Variants in PRSS23 observed in about 807,000 individuals in gnomAD.
The protein encoded by PRSS23 is protease, serine 23.
A neutral mutation model predicts 34.7 loss-of-function variants in PRSS23; 25 were observed. The ratio of observed to expected loss-of-function variants is 0.72; its 90% CI spans 0.53 to 1.01. PRSS23 has a LOEUF of 1.01. Among genes scored for constraint, PRSS23 ranks in the 50% least tolerant of loss-of-function variants. The pLI is 0.00. For missense variants in PRSS23, 445 were observed against 475.6 expected (o/e 0.94, Z 0.60); for synonymous variants, 176 against 186.6 (o/e 0.94, Z 0.46).
upstream of PRSS23, among the ~76,000 whole-genome samples, chr11:86,797,960 A>T (rs1265475675): frequency 6.6e-6 from 1 of 152,180 alleles, no homozygotes; most frequent in Non-Finnish European, 1.5e-5. Flanking sequence ...GCCACTCTTA[A>T]TTATGTTGCT....
intron 1 of PRSS23, among the ~76,000 whole-genome samples, chr11:86,822,391 C>T (rs929542810): frequency 7.4e-4 from 112 of 152,078 alleles, no homozygotes; most frequent in African/African-American, 2.4e-3. Flanking sequence ...GAGGCTGAGG[C>T]GGGAGAATGG....
At chr11:86,928,534 G>GACA (rs1319768572) in intron 2 of PRSS23, among the ~76,000 whole-genome samples, 1 of 148,194 alleles carries the variant, frequency 6.7e-6, no homozygotes, top group African/African-American at 2.5e-5. Flanking sequence ...CATTAGCCGA[G>GACA]CGTGGTGGCA....
intron 2 of PRSS23, among the ~76,000 whole-genome samples, chr11:86,854,893 G>A (rs570692910): frequency 6.6e-6 from 1 of 152,316 alleles, no homozygotes; most frequent in East Asian, 1.9e-4. Context: ...TGGGCCAGGT[G>A]CGGTTGCTCA....
intron 1 of PRSS23, among the ~76,000 whole-genome samples, chr11:86,820,057 T>C (rs1948241805): frequency 6.6e-6 from 1 of 152,206 alleles, no homozygotes; most frequent in African/African-American, 2.4e-5. Context: ...TTGGAACCTA[T>C]GAATTATTGC....
intron 2 of PRSS23, among the ~76,000 whole-genome samples, chr11:86,861,733 A>C (rs1948616845): frequency 6.6e-6 from 1 of 150,768 alleles, no homozygotes; most frequent in Non-Finnish European, 1.5e-5. Flanking sequence ...AGGGGTGTAC[A>C]CCCCCCTGTG....
Position 86,829,952 on chromosome 11 carries a change from T to C in PRSS23, c.206+6359T>C, listed in dbSNP as rs552036312. Among the ~76,000 whole-genome samples, 3 of 152,340 alleles carry C rather than the reference T, an allele frequency of 2.0e-5. No individual in the cohort carries two copies. The East Asian group carries it at 5.8e-4, about 29-fold the overall frequency. On this transcript the variant is annotated intron_variant, in intron 2 of 2. Coordinates refer to the PRSS23 transcript ENST00000533902. ...CGGGTGTCAGGGGTCAGGGACCCAC[T>C]TGAGGAGGCAGTCTGCCCGTCCTCA...
chr11:86,899,909 G>A (rs1283852809), intron 2 of PRSS23, among the ~76,000 whole-genome samples: 1 of 151,576 alleles, frequency 6.6e-6, no homozygotes, highest in East Asian at 1.9e-4. Context: ...TAAGTGACAA[G>A]TGACACTGAA....
intron 2 of PRSS23, among the ~76,000 whole-genome samples, chr11:86,874,913 A>C (rs146815407): frequency 6.6e-6 from 1 of 152,322 alleles, no homozygotes; most frequent in Non-Finnish European, 1.5e-5. Flanking sequence ...GGCTGTGCTC[A>C]GTTGAGACTG....
At chr11:86,906,924 C>T (rs1234727619) in intron 2 of PRSS23, among the ~76,000 whole-genome samples, 1 of 152,030 alleles carries the variant, frequency 6.6e-6, no homozygotes, top group Non-Finnish European at 1.5e-5. Flanking sequence ...GGAGAGGTTT[C>T]CATCCATTTT....
At chr11:86,815,041 G>A (rs975577751), downstream of PRSS23, among the ~76,000 whole-genome samples, 31 of 152,316 alleles carry the variant, frequency 2.0e-4, no homozygotes, top group African/African-American at 7.0e-4. Context: ...TTTGAGAAGC[G>A]TCAAGTTCCA....
chr11:86,809,590 G>A lies in PRSS23; in HGVS notation c.*795G>A, dbSNP rs2155080. On this transcript the variant is annotated 3_prime_UTR_variant, in exon 2 of 2. Coordinates refer to ENST00000280258, the MANE Select transcript of PRSS23 (RefSeq NM_007173.6). ...TTAACAGGATTTCACTCACATTTCT[G>A]GAACTAGCTATTTTTCAGAAGACAA... The A allele has an allele frequency of 0.23, 38,144 of 166,784 alleles. 4,842 individuals are homozygous for A. Among genetic ancestry groups the A allele is most frequent in the East Asian group, 0.42 (2,185 of 5,168 alleles). The allele number at this position is 166,784 out of a possible 1,614,324, so 10.3% of individuals were successfully genotyped here. A position where few individuals can be genotyped will look rare whatever the true frequency, so the allele number is the denominator to read the frequency against.
chr11:86,867,849 C>T (rs1478016331), intron 2 of PRSS23, among the ~76,000 whole-genome samples: 3 of 139,136 alleles, frequency 2.2e-5, no homozygotes, highest in Non-Finnish European at 4.5e-5. Context: ...TGCACTCCAG[C>T]CAGTGACAGA....
At chr11:86,890,243 C>T (rs1219715899) in intron 2 of PRSS23, among the ~76,000 whole-genome samples, 1 of 151,684 alleles carries the variant, frequency 6.6e-6, no homozygotes, top group Non-Finnish European at 1.5e-5. Flanking sequence ...GCACTCCAGC[C>T]TGGACAACAG....
intron 2 of PRSS23, among the ~76,000 whole-genome samples, chr11:86,829,151 C>A (rs1042672613): frequency 6.6e-6 from 1 of 152,190 alleles, no homozygotes; most frequent in Admixed American, 6.5e-5. Context: ...TAGATTTGGT[C>A]TTTTCACATA....
intron 2 of PRSS23, among the ~76,000 whole-genome samples, chr11:86,875,704 C>A (rs574616305): frequency 6.6e-6 from 1 of 152,348 alleles, no homozygotes; most frequent in East Asian, 1.9e-4. Flanking sequence ...ATTTTCTTTA[C>A]AGACAGAGAC....
intron 2 of PRSS23, among the ~76,000 whole-genome samples, chr11:86,844,955 G>T (rs1948475914): frequency 6.6e-6 from 1 of 152,078 alleles, no homozygotes; most frequent in African/African-American, 2.4e-5. Flanking sequence ...TGGCCATAGT[G>T]GTGCATACCT....
At chr11:86,874,155 A>G (rs997505940) in intron 2 of PRSS23, among the ~76,000 whole-genome samples, 1 of 152,200 alleles carries the variant, frequency 6.6e-6, no homozygotes, top group Non-Finnish European at 1.5e-5. Context: ...CTTGGGCTGC[A>G]GTGCAGTTCG....
chr11:86,875,851 T>C (rs1948720784), intron 2 of PRSS23, among the ~76,000 whole-genome samples: 1 of 152,204 alleles, frequency 6.6e-6, no homozygotes, highest in Non-Finnish European at 1.5e-5. Context: ...CAACTATCAT[T>C]CTCACAACCA....
chr11:86,792,735 C>T (rs141771358), intron 1 of PRSS23, among the ~76,000 whole-genome samples: 100 of 152,076 alleles, frequency 6.6e-4, no homozygotes, highest in African/African-American at 2.3e-3. Context: ...GAAAAATGGA[C>T]AGAATGTAGA....
Sources: gnomAD v4.1 joint callset for allele counts (sites outside exome capture counted in the v4.1 genomes callset) on GRCh38, gnomAD v4.1.1 for gene constraint, MANE v1.5 for transcripts, NCBI Gene and HGNC (gene_info 2026-07-23, HGNC 2026-07-21) for gene names.